The following ZXDC variants were observed in gnomAD, a reference collection of about 807,000 sequenced individuals.
ZXDC encodes ZXD family zinc finger C, also known as zinc finger protein ZXDC.
ZXDC carries 58 observed loss-of-function variants against 63.6 expected under a neutral mutation model. The ratio of observed to expected loss-of-function variants is 0.91; its 90% CI spans 0.74 to 1.13. The LOEUF is 1.13. Among genes scored for constraint, ZXDC ranks in the 50% most tolerant of loss-of-function variants. The pLI, the probability that ZXDC is intolerant of heterozygous loss-of-function variation, is 0.00. For missense variants in ZXDC, 1,133 were observed against 1,148.9 expected (o/e 0.99, Z 0.20); for synonymous variants, 561 against 496.1 (o/e 1.13, Z -1.74).
chr3:126,452,198 C>G (rs779840905), intron 7 of ZXDC: 42 of 985,440 alleles, frequency 4.3e-5, no homozygotes, highest in Non-Finnish European at 5.1e-5. Flanking sequence ...TCAGCTGCCA[C>G]AGCCTTGCGT....
intron 7 of ZXDC, chr3:126,451,978 T>G (rs1934122050): frequency 1.0e-6 from 1 of 985,314 alleles, no homozygotes; most frequent in Non-Finnish European, 1.2e-6. Context: ...TCTTCATGCC[T>G]TAGAAAAACC....
At chr3:126,466,024 G>C in intron 5 of ZXDC, 131 bp downstream of exon 5, 1 of 1,065,944 alleles carries the variant, frequency 9.4e-7, no homozygotes, top group Non-Finnish European at 1.4e-6. Context: ...AGGCCACTTG[G>C]CTTGGCAGCC....
intron 8 of ZXDC, chr3:126,440,323 T>C (rs913362664): frequency 1.2e-5 from 12 of 987,794 alleles, no homozygotes; most frequent in Non-Finnish European, 1.4e-5. Flanking sequence ...GCTGCTGCTC[T>C]GCACCTCTCA....
At chr3:126,439,809 C>CA in intron 8 of ZXDC, 82 bp from the exon 9 acceptor site, 1 of 1,478,772 alleles carries the variant, frequency 6.8e-7, no homozygotes, top group Non-Finnish European at 9.0e-7. Flanking sequence ...AAGTCTCCTC[C>CA]AGCTGCAATG....
chr3:126,471,995 A>G lies in ZXDC; in HGVS notation c.1117T>C (p.Ser373Pro). Residue 373 changes from serine (S) to proline (P), a missense_variant, in exon 3 of 10, where the codon TCC becomes CCC. Coordinates refer to ENST00000389709, the MANE Select transcript of ZXDC (RefSeq NM_025112.5). ...TACCTTCTGTGCCTTAGAAGTTTGG[A>G]CATGCTGGTGAAGGTCCAGCCACAG... ...DSCGWTFTSM[S>P]KLLRHRRKHD... is the part of the protein sequence containing the mutation. The G allele has an allele frequency of 6.2e-7, 1 of 1,613,470 alleles. No homozygotes were observed. Among genetic ancestry groups the G allele is most frequent in the Non-Finnish European group, 8.5e-7 (1 of 1,179,784 alleles).
intron 7 of ZXDC, among the ~76,000 whole-genome samples, chr3:126,443,691 G>A (rs1226049292): frequency 6.6e-6 from 1 of 152,062 alleles, no homozygotes; most frequent in Non-Finnish European, 1.5e-5. Flanking sequence ...CTTACCTCCA[G>A]AATTTTACCT....
intron 4 of ZXDC, among the ~76,000 whole-genome samples, chr3:126,468,486 A>ACTCCAT (rs1396101862): frequency 6.6e-6 from 1 of 151,756 alleles, no homozygotes; most frequent in African/African-American, 2.4e-5. Flanking sequence ...ACCAGCTCCA[A>ACTCCAT]CTCCATCTCC....
At chr3:126,440,507 C>T in intron 8 of ZXDC, 1 of 985,686 alleles carries the variant, frequency 1.0e-6, no homozygotes, top group South Asian at 4.7e-5. Flanking sequence ...AGTATACCCC[C>T]TACTTGCTCC....
At chr3:126,450,586 C>T (rs560822787) in intron 7 of ZXDC, 1 of 455,154 alleles carries the variant, frequency 2.2e-6, no homozygotes, top group East Asian at 7.0e-5. Flanking sequence ...GGGGGTGCAC[C>T]TCCGGACTGA....
chr3:126,470,293 CCT>C (rs1265002762), intron 4 of ZXDC, among the ~76,000 whole-genome samples: 2 of 152,084 alleles, frequency 1.3e-5, no homozygotes, highest in Non-Finnish European at 2.9e-5. Flanking sequence ...ATGGTGAAAC[CCT>C]GTCTCTACTA....
intron 7 of ZXDC, among the ~76,000 whole-genome samples, chr3:126,447,297 T>C (rs1409472858): frequency 6.6e-6 from 1 of 152,258 alleles, no homozygotes; most frequent in Non-Finnish European, 1.5e-5. Context: ...ACACTTGTCA[T>C]GAGTGAGCCT....
intron 6 of ZXDC, chr3:126,460,110 T>C (rs1934466087): frequency 1.0e-6 from 1 of 985,428 alleles, no homozygotes. Context: ...TTTCACGCTG[T>C]TTCACACACG....
At chr3:126,441,259 T>A (rs1933663743) in intron 8 of ZXDC, 1 of 985,904 alleles carries the variant, frequency 1.0e-6, no homozygotes, top group African/African-American at 1.7e-5. Flanking sequence ...GGGGCTCTGT[T>A]TCGTAGGAAA....
chr3:126,452,742 TTC>T (rs1491193711), intron 7 of ZXDC, among the ~76,000 whole-genome samples: 18 of 123,528 alleles, frequency 1.5e-4, no homozygotes, highest in South Asian at 3.0e-4. Flanking sequence ...TCTGCAGTTT[TTC>T]TTTTTTTTTT....
rs755721051 is a variant in ZXDC, at chr3:126,438,426, C to T, written c.2526G>A (p.Pro842=). 5.5e-5 allele frequency: 89 copies of T among 1,613,790 alleles called. 2 individuals carry two copies. The Admixed American group carries it at 1.1e-3, about 20-fold the overall frequency. Reference sequence around the variant, plus strand: ...TGCTTCCTGGGAACTGGGTGGCCTCCGGTCCAGCAGGGCCTCCAGATGAGG... The same window carrying T: ...TGCTTCCTGGGAACTGGGTGGCCTCTGGTCCAGCAGGGCCTCCAGATGAGG... ...VLPSSGGPAG[P]EATQFPGSTI... is the part of the protein sequence containing the mutation. Residue 842 remains proline, a synonymous_variant, in exon 10 of 10, where the codon CCG becomes CCA. Coordinates refer to ENST00000389709, the MANE Select transcript of ZXDC (RefSeq NM_025112.5).
In ZXDC at chr3:126,462,081, A is replaced by G. The variant is rs1309649768; in HGVS notation, c.1581T>C (p.Gly527=). Residue 527 remains glycine (G), a synonymous_variant, in exon 6 of 10, where the codon GGT becomes GGC. Transcript: ENST00000389709. ...DTPANASGSA[G]GSDEALNSGI... Reference sequence around the variant, plus strand: ...CGGAGTTCAGAGCCTCATCCGACCCACCTGCAGAACCACTAGCATTGGCAG... The same window carrying G: ...CGGAGTTCAGAGCCTCATCCGACCCGCCTGCAGAACCACTAGCATTGGCAG... 3.7e-6 allele frequency: 6 copies of G among 1,613,962 alleles called. No individual in the cohort carries two copies. Among genetic ancestry groups the G allele is most frequent in the Non-Finnish European group, 5.1e-6 (6 of 1,180,034 alleles).
intron 4 of ZXDC, among the ~76,000 whole-genome samples, chr3:126,469,517 T>C (rs537884778): frequency 2.0e-5 from 3 of 152,322 alleles, no homozygotes; most frequent in African/African-American, 7.2e-5. Context: ...CTTTTCCCAC[T>C]GTTAAGGCCC....
At chr3:126,458,805 T>C in intron 7 of ZXDC, 1 of 985,454 alleles carries the variant, frequency 1.0e-6, no homozygotes, top group Non-Finnish European at 1.2e-6. Context: ...GCAAGTTCCA[T>C]TCTGGTACTT....
In ZXDC at chr3:126,441,892, T is replaced by A. The variant is rs370165091; in HGVS notation, c.2267A>T (p.His756Leu). The A allele has an allele frequency of 2.5e-6, 4 of 1,613,000 alleles. No individual in the cohort carries two copies. In the African/African-American group the frequency reaches 5.3e-5, roughly 22 times the overall value. The change falls in exon 8 of 10, where the codon CAT (histidine) becomes CTT (leucine). Residue 756 changes from histidine (H) to leucine (L), a missense_variant. Transcript: ENST00000389709. ...KIKEGKMSPP[H>L]FHASQNSWLC... The stretch of plus-strand genomic sequence containing the variant: ...CCAACTGTTCTGGCTTGCATGGAAA[T>A]GGGGAGGACTCATTTTGCCTTCTTT...
Sources: gnomAD v4.1 joint callset for allele counts (sites outside exome capture counted in the v4.1 genomes callset) on GRCh38, gnomAD v4.1.1 for gene constraint, MANE v1.5 for transcripts, NCBI Gene and HGNC (gene_info 2026-07-23, HGNC 2026-07-21) for gene names.